Variants in SCMH1 observed in about 807,000 individuals in gnomAD.
SCMH1 encodes the protein Scm polycomb group protein homolog 1, also known as polycomb protein SCMH1.
In SCMH1, 37 loss-of-function variants were observed where a neutral mutation model predicts 70.8. The observed-to-expected ratio is 0.52, with a 90% CI of 0.40 to 0.69. SCMH1 has a LOEUF of 0.69. Ranked by LOEUF, SCMH1 falls within the 30% of genes least tolerant of loss-of-function variation. SCMH1 has a pLI of 0.00. For synonymous variants in SCMH1, 292 were observed against 307.4 expected (o/e 0.95, Z 0.52); for missense variants, 607 against 827.3 (o/e 0.73, Z 3.27).
At chr1:41,127,679 A>T (rs1673559478) in intron 6 of SCMH1, among the ~76,000 whole-genome samples, 1 of 152,194 alleles carries the variant, frequency 6.6e-6, no homozygotes, top group Admixed American at 6.5e-5. Context: ...CTGTACCCAG[A>T]GACAGGGTTG....
chr1:41,099,588 A>G (rs1666029557), intron 8 of SCMH1, among the ~76,000 whole-genome samples: 1 of 152,228 alleles, frequency 6.6e-6, no homozygotes, highest in Admixed American at 6.5e-5. Flanking sequence ...TCAGAAACCC[A>G]TGGAATTAGG....
chr1:41,089,378 T>A (rs1365836164), intron 8 of SCMH1, among the ~76,000 whole-genome samples: 1 of 152,248 alleles, frequency 6.6e-6, no homozygotes, highest in Non-Finnish European at 1.5e-5. Context: ...ACCTTGGAGT[T>A]GTCCTTGACC....
chr1:41,158,895 G>A (rs1480887502), intron 4 of SCMH1, among the ~76,000 whole-genome samples: 1 of 152,160 alleles, frequency 6.6e-6, no homozygotes, highest in Non-Finnish European at 1.5e-5. Context: ...GGCTAACCCT[G>A]TTTCATATGG....
intron 2 of SCMH1, among the ~76,000 whole-genome samples, chr1:41,169,876 C>G (rs1000898715): frequency 2.6e-5 from 4 of 152,182 alleles, no homozygotes; most frequent in African/African-American, 9.7e-5. Context: ...TCTCCCAGAG[C>G]TGAGAGTTTT....
intron 10 of SCMH1, among the ~76,000 whole-genome samples, chr1:41,053,317 A>G (rs1419762604): frequency 6.6e-6 from 1 of 152,164 alleles, no homozygotes. Flanking sequence ...GATGAAATAT[A>G]AAAGGCAGAA....
intron 2 of SCMH1, among the ~76,000 whole-genome samples, chr1:41,177,097 T>C (rs866696349): frequency 3.3e-5 from 5 of 152,212 alleles, no homozygotes; most frequent in Admixed American, 2.6e-4. Context: ...TCCGCTGTTC[T>C]GCAGCCTCCG....
chr1:41,155,841 T>C (rs371173917), intron 4 of SCMH1, among the ~76,000 whole-genome samples: 39 of 151,852 alleles, frequency 2.6e-4, no homozygotes, highest in African/African-American at 9.2e-4. Context: ...AAAAATTAGC[T>C]GGGCGTGGTG....
chr1:41,072,809 T>A (rs1158461876), intron 9 of SCMH1, among the ~76,000 whole-genome samples: 1 of 152,118 alleles, frequency 6.6e-6, no homozygotes, highest in Non-Finnish European at 1.5e-5. Flanking sequence ...AAGGCTGCAG[T>A]AAACAATGAT....
intron 2 of SCMH1, among the ~76,000 whole-genome samples, chr1:41,165,327 G>A (rs1349043994): frequency 6.6e-6 from 1 of 152,026 alleles, no homozygotes; most frequent in Non-Finnish European, 1.5e-5. Context: ...ACTGTGAATA[G>A]TGCTGCAATG....
intron 8 of SCMH1, among the ~76,000 whole-genome samples, chr1:41,099,946 T>C (rs12070294): frequency 0.016 from 2,435 of 152,254 alleles, 75 homozygotes; most frequent in African/African-American, 0.056. Context: ...TTTAATCTAG[T>C]ACTAAACAGG....
chr1:41,170,509 G>A (rs1015999345), intron 2 of SCMH1, among the ~76,000 whole-genome samples: 1 of 152,172 alleles, frequency 6.6e-6, no homozygotes, highest in Non-Finnish European at 1.5e-5. Flanking sequence ...TGGGTGGAGG[G>A]AGAGTCAGGA....
intron 1 of SCMH1, among the ~76,000 whole-genome samples, chr1:41,201,763 T>C (rs1557810101): frequency 1.3e-5 from 2 of 152,278 alleles, no homozygotes; most frequent in East Asian, 1.9e-4. Flanking sequence ...TGAAAGGTAA[T>C]AGGTATTTGG....
intron 9 of SCMH1, 103 bp from the exon 10 acceptor site, chr1:41,070,824 G>C: frequency 1.5e-6 from 2 of 1,365,342 alleles, no homozygotes; most frequent in Non-Finnish European, 2.0e-6. Flanking sequence ...ATTTATGGAT[G>C]GAATAGTGTT....
intron 1 of SCMH1, among the ~76,000 whole-genome samples, chr1:41,229,677 C>T (rs11209728): frequency 0.059 from 9,011 of 152,032 alleles, 358 homozygotes; most frequent in South Asian, 0.12. Context: ...CAACATGGCA[C>T]ATGTATACCT....
intron 2 of SCMH1, among the ~76,000 whole-genome samples, chr1:41,165,774 C>T (rs546655762): frequency 6.6e-6 from 1 of 152,084 alleles, no homozygotes; most frequent in Admixed American, 6.5e-5. Flanking sequence ...TAGTATATTT[C>T]GGATATTAGT....
At chr1:41,091,908 G>C (rs1475791717) in intron 8 of SCMH1, among the ~76,000 whole-genome samples, 1 of 125,442 alleles carries the variant, frequency 8.0e-6, no homozygotes, top group African/African-American at 3.3e-5. Context: ...CATGCTCATG[G>C]ATAGGAAGAA....
At chr1:41,143,059 C>A (rs770705267) in exon 6 of SCMH1, 1 of 1,614,098 alleles carries the variant, frequency 6.2e-7, no homozygotes, top group South Asian at 1.1e-5. Context: ...TCCTGGGGTC[C>A]TGTGCTTCCA....
intron 1 of SCMH1, among the ~76,000 whole-genome samples, chr1:41,200,508 A>G (rs1654089531): frequency 6.9e-6 from 1 of 145,876 alleles, no homozygotes; most frequent in Admixed American, 6.9e-5. Flanking sequence ...TAATAATAAT[A>G]ATAATAATAT....
chr1:41,100,510 A>G lies in SCMH1; in HGVS notation c.745+12773T>C, dbSNP rs977312946. Among the ~76,000 whole-genome samples the G allele has an allele frequency of 8.6e-5, 13 of 151,938 alleles. 1 individual carries two copies. The highest frequency in any genetic ancestry group is 3.1e-4 in the African/African-American group (13 of 41,444). On this transcript the variant is annotated intron_variant, in intron 8 of 14. Transcript: ENST00000337495. ...CATTACAGAATACAAAAATATAAAA[A>G]CACAATCCCTTATCTTTAACATGTG...
Sources: gnomAD v4.1 joint callset for allele counts (sites outside exome capture counted in the v4.1 genomes callset) on GRCh38, gnomAD v4.1.1 for gene constraint, MANE v1.5 for transcripts, NCBI Gene and HGNC (gene_info 2026-07-23, HGNC 2026-07-21) for gene names.